The following TTC28 variants were observed in gnomAD, a reference collection of about 807,000 sequenced individuals.
The protein encoded by TTC28 is tetratricopeptide repeat protein 28.
A neutral mutation model predicts 198.0 loss-of-function variants in TTC28; 61 were observed. The ratio of observed to expected loss-of-function variants is 0.31; its 90% confidence interval spans 0.25 to 0.38. The LOEUF (loss-of-function observed/expected upper bound fraction) is 0.38, where lower values mean the gene tolerates loss of function less well. Among genes scored for constraint, TTC28 ranks in the 10% least tolerant of loss-of-function variants. The pLI is 1.00. For synonymous variants in TTC28, 1,171 were observed against 1,297.8 expected (o/e 0.90, Z 2.10); for missense variants, 2,678 against 3,164.0 (o/e 0.85, Z 3.69).
At chr22:28,259,842 A>T (rs931308312) in intron 5 of TTC28, among the ~76,000 whole-genome samples, 1 of 152,170 alleles carries the variant, frequency 6.6e-6, no homozygotes, top group African/African-American at 2.4e-5. Flanking sequence ...AACTATGGTG[A>T]CATGGTCACA....
At position 27,998,641 on chromosome 22, in the gene TTC28, T is replaced by G. The variant is rs182201621; in HGVS notation, c.5018A>C (p.Tyr1673Ser). Reference sequence around the variant, plus strand: ...TTTCAGGCCGTTCAGCAGGGATGAGTAGAAGGCATGGATGAACATCTTAGA... The same window carrying G: ...TTTCAGGCCGTTCAGCAGGGATGAGGAGAAGGCATGGATGAACATCTTAGA... ...AASKMFIHAF[Y>S]SSLLNGLKAS... The change falls in exon 16 of 23, where the codon TAC (tyrosine) becomes TCC (serine). Residue 1673 changes from tyrosine to serine, a missense_variant. This residue lies in a region of TTC28 where 314 missense variants were observed against 442.7 expected (regional missense o/e 0.71). Transcript: ENST00000397906. 1 of 1,550,630 alleles carries G rather than the reference T, an allele frequency of 6.4e-7. No homozygotes were observed. Among genetic ancestry groups the G allele is most frequent in the Admixed American group, 2.0e-5 (1 of 50,998 alleles).
intron 12 of TTC28, among the ~76,000 whole-genome samples, chr22:28,058,138 G>A (rs941918723): frequency 3.3e-5 from 5 of 151,750 alleles, no homozygotes; most frequent in Non-Finnish European, 5.9e-5. Context: ...TTAGGCTTAC[G>A]GGCAATATGG....
intron 2 of TTC28, among the ~76,000 whole-genome samples, chr22:28,582,138 G>C (rs2050242045): frequency 6.6e-6 from 1 of 152,000 alleles, no homozygotes; most frequent in Non-Finnish European, 1.5e-5. Flanking sequence ...TATCTTACCA[G>C]AATATATTGG....
In TTC28 at chr22:28,562,571, C is replaced by T. The variant is rs1236440199; in HGVS notation, c.381+66981G>A. On this transcript the variant is annotated intron_variant, in intron 2 of 22. Transcript: ENST00000397906. ...AACAAGAATGAGCATGTACCTTCTC[C>T]TATTTTTTGACTTCCATTATCTAAG... 2.6e-5 allele frequency among the ~76,000 whole-genome samples: 4 copies of T among 152,074 alleles called. No homozygotes were observed. In the East Asian group the frequency reaches 7.7e-4, roughly 29 times the overall value.
intron 2 of TTC28, among the ~76,000 whole-genome samples, chr22:28,481,995 T>C (rs1419222617): frequency 6.6e-6 from 1 of 152,178 alleles, no homozygotes; most frequent in Non-Finnish European, 1.5e-5. Flanking sequence ...GAATTTCACA[T>C]GCACACAGAC....
chr22:27,984,647 G>A (rs1937150048), intron 22 of TTC28, among the ~76,000 whole-genome samples: 1 of 152,314 alleles, frequency 6.6e-6, no homozygotes, highest in African/African-American at 2.4e-5. Flanking sequence ...CAAACCGAAT[G>A]TGTCCCAGAT....
At chr22:28,670,283 A>C (rs2051858323) in intron 1 of TTC28, among the ~76,000 whole-genome samples, 1 of 152,138 alleles carries the variant, frequency 6.6e-6, no homozygotes, top group African/African-American at 2.4e-5. Context: ...CCATTACCAC[A>C]ATCTAATTTT....
At chr22:28,165,976 G>A (rs1052228835) in intron 5 of TTC28, among the ~76,000 whole-genome samples, 7 of 152,078 alleles carry the variant, frequency 4.6e-5, no homozygotes, top group African/African-American at 1.7e-4. Flanking sequence ...ATAAAGGGAC[G>A]GAGGAAGATC....
intron 1 of TTC28, among the ~76,000 whole-genome samples, chr22:28,677,258 C>A (rs1423857703): frequency 6.9e-6 from 1 of 144,672 alleles, no homozygotes; most frequent in Non-Finnish European, 1.5e-5. Flanking sequence ...AAATAAAATT[C>A]AATTTAATTA....
chr22:28,222,042 C>T (rs1927914763), intron 5 of TTC28, among the ~76,000 whole-genome samples: 2 of 152,130 alleles, frequency 1.3e-5, no homozygotes, highest in East Asian at 1.9e-4. Flanking sequence ...AATTTAGCTC[C>T]CCAACTCTCA....
chr22:28,169,149 C>T (rs61317772), intron 5 of TTC28, among the ~76,000 whole-genome samples: 18 of 152,034 alleles, frequency 1.2e-4, no homozygotes, highest in Non-Finnish European at 2.2e-4. Flanking sequence ...GTTAGAATGG[C>T]GATCATTAAA....
chr22:28,595,353 G>C (rs1569047997), intron 2 of TTC28, among the ~76,000 whole-genome samples: 2 of 152,168 alleles, frequency 1.3e-5, no homozygotes. Context: ...CAGGAGAATG[G>C]TTTAATGTAA....
chr22:28,273,747 A>C (rs1932240617), intron 5 of TTC28, among the ~76,000 whole-genome samples: 1 of 152,180 alleles, frequency 6.6e-6, no homozygotes, highest in Non-Finnish European at 1.5e-5. Flanking sequence ...CAAATTCAAG[A>C]AGCTCAGTGA....
chr22:28,388,035 A>G (rs1489658872), intron 2 of TTC28, among the ~76,000 whole-genome samples: 1 of 152,198 alleles, frequency 6.6e-6, no homozygotes, highest in Non-Finnish European at 1.5e-5. Flanking sequence ...GGTGTAAGGA[A>G]GGGATCCAGT....
chr22:28,003,568 TC>T (rs1370286188), intron 14 of TTC28, among the ~76,000 whole-genome samples: 1 of 152,068 alleles, frequency 6.6e-6, no homozygotes, highest in African/African-American at 2.4e-5. Flanking sequence ...TCAGATATCA[TC>T]CCACAGGCTA....
intron 2 of TTC28, among the ~76,000 whole-genome samples, chr22:28,456,020 G>T (rs1246028126): frequency 1.3e-5 from 2 of 151,608 alleles, no homozygotes; most frequent in Non-Finnish European, 2.9e-5. Context: ...TTAGCTGGGT[G>T]TGGTGGTGGG....
At chr22:28,676,055 G>A (rs2051983044) in intron 1 of TTC28, among the ~76,000 whole-genome samples, 1 of 151,864 alleles carries the variant, frequency 6.6e-6, no homozygotes, top group African/African-American at 2.4e-5. Flanking sequence ...ACTAAAATTT[G>A]TACACAAATG....
chr22:28,171,116 T>A (rs1011893493), intron 5 of TTC28, among the ~76,000 whole-genome samples: 1 of 152,114 alleles, frequency 6.6e-6, no homozygotes, highest in Non-Finnish European at 1.5e-5. Flanking sequence ...AGATGTTACA[T>A]GGTTTCTAGA....
chr22:28,199,535 A>ATG (rs1189872361), intron 5 of TTC28, among the ~76,000 whole-genome samples: 4 of 147,342 alleles, frequency 2.7e-5, no homozygotes, highest in African/African-American at 1.0e-4. Flanking sequence ...CTATACATAT[A>ATG]TATATATATA....
Sources: allele counts gnomAD v4.1 joint callset (sites outside exome capture counted in the v4.1 genomes callset), GRCh38; gene constraint gnomAD v4.1.1; regional missense constraint gnomAD v4.1.1; transcripts MANE v1.5; gene names NCBI Gene and HGNC (gene_info 2026-07-23, HGNC 2026-07-21).